The following FRMD3 variants were observed in gnomAD, a reference collection of about 807,000 sequenced individuals.
The protein encoded by FRMD3 is FERM domain containing 3.
FRMD3 carries 33 observed loss-of-function variants against 70.2 expected under a neutral mutation model. The ratio of observed to expected loss-of-function variants is 0.47; its 90% CI spans 0.36 to 0.63. The LOEUF (loss-of-function observed/expected upper bound fraction) is 0.63, where lower values mean the gene tolerates loss of function less well. FRMD3 is among the 20% of genes least tolerant of loss of function. The pLI is 0.00. For synonymous variants in FRMD3, 279 were observed against 255.9 expected, an observed-to-expected ratio of 1.09 and a Z score of -0.86; for missense variants, 632 against 711.4, an observed-to-expected ratio of 0.89 and a Z score of 1.27.
chr9:83,292,476 A>G (rs77231401), intron 12 of FRMD3, among the ~76,000 whole-genome samples: 2,724 of 151,684 alleles, frequency 0.018, 41 homozygotes, highest in Non-Finnish European at 0.027. Flanking sequence ...AACACATTTT[A>G]TATAATCTCC....
chr9:83,309,375 A>C (rs1587707672), intron 10 of FRMD3, among the ~76,000 whole-genome samples, 161 bp downstream of exon 10: 1 of 152,144 alleles, frequency 6.6e-6, no homozygotes. Context: ...ACAAGCCAAC[A>C]ATCACCGGGA....
At chr9:83,307,805 T>C (rs1409634004) in intron 10 of FRMD3, among the ~76,000 whole-genome samples, 3 of 152,192 alleles carry the variant, frequency 2.0e-5, no homozygotes, top group Non-Finnish European at 2.9e-5. Context: ...TTTTACGGCA[T>C]GTAAATTAGA....
chr9:83,570,853 G>A, the FRMD3 span, among the ~76,000 whole-genome samples: 2 of 152,200 alleles, frequency 1.3e-5, no homozygotes, highest in Admixed American at 6.5e-5. Context: ...TGGTGGTTTG[G>A]ACCTGGGTAG....
chr9:83,394,520 A>C (rs1392313768), intron 1 of FRMD3, among the ~76,000 whole-genome samples: 1 of 152,164 alleles, frequency 6.6e-6, no homozygotes, highest in African/African-American at 2.4e-5. Context: ...ATGTTTGTAA[A>C]TATCTTGTTG....
At chr9:83,358,920 C>T (rs907461558) in intron 3 of FRMD3, among the ~76,000 whole-genome samples, 1 of 152,128 alleles carries the variant, frequency 6.6e-6, no homozygotes, top group African/African-American at 2.4e-5. Context: ...ACATTGCTCA[C>T]TCATTCTCCA....
intron 1 of FRMD3, among the ~76,000 whole-genome samples, chr9:83,531,883 C>T (rs1428950784): frequency 1.3e-5 from 2 of 152,184 alleles, no homozygotes; most frequent in African/African-American, 4.8e-5. Context: ...AATTATTACT[C>T]TCATTTTTCA....
chr9:83,362,571 G>C (rs1005111208), intron 3 of FRMD3, among the ~76,000 whole-genome samples: 6 of 152,324 alleles, frequency 3.9e-5, no homozygotes, highest in South Asian at 2.1e-4. Context: ...ACAGTCTCTG[G>C]TAAATAGGGC....
chr9:83,507,764 A>T (rs1464655810), intron 1 of FRMD3, among the ~76,000 whole-genome samples: 2 of 131,746 alleles, frequency 1.5e-5, no homozygotes, highest in African/African-American at 2.8e-5. Context: ...CCTGAAGGAC[A>T]TCCCAGGGGC....
At chr9:83,273,189 A>T (rs1463125077) in intron 13 of FRMD3, among the ~76,000 whole-genome samples, 1 of 152,256 alleles carries the variant, frequency 6.6e-6, no homozygotes, top group Non-Finnish European at 1.5e-5. Context: ...GTCGAATAGA[A>T]AAGGGGGAAA....
At chr9:83,300,022 A>G (rs1425239055) in intron 10 of FRMD3, among the ~76,000 whole-genome samples, 2 of 152,268 alleles carry the variant, frequency 1.3e-5, no homozygotes, top group Non-Finnish European at 2.9e-5. Context: ...CAGAGAGTTC[A>G]GCATCGTTTA....
At chr9:83,387,937 G>A (rs562187125) in intron 2 of FRMD3, among the ~76,000 whole-genome samples, 1 of 152,108 alleles carries the variant, frequency 6.6e-6, no homozygotes, top group Non-Finnish European at 1.5e-5. Flanking sequence ...TGATTTTCTT[G>A]CAGGGCCAGG....
chr9:83,274,302 C>T (rs1348557879), intron 13 of FRMD3, among the ~76,000 whole-genome samples: 4 of 152,144 alleles, frequency 2.6e-5, no homozygotes, highest in Admixed American at 6.5e-5. Flanking sequence ...AGATTGAGTC[C>T]TCTCCCTTCA....
At chr9:83,515,055 T>C (rs918826678) in intron 1 of FRMD3, among the ~76,000 whole-genome samples, 4 of 152,144 alleles carry the variant, frequency 2.6e-5, no homozygotes, top group Non-Finnish European at 4.4e-5. Flanking sequence ...GAATATCTCT[T>C]CTCTTCAAAA....
intron 13 of FRMD3, among the ~76,000 whole-genome samples, chr9:83,286,589 C>T (rs1394794337): frequency 1.3e-5 from 2 of 152,238 alleles, no homozygotes; most frequent in Non-Finnish European, 2.9e-5. Flanking sequence ...GCCTCAGCCT[C>T]TGAAAGTGCT....
At chr9:83,542,171 GATTA>G (rs1261372933), upstream of FRMD3, among the ~76,000 whole-genome samples, 1 of 152,126 alleles carries the variant, frequency 6.6e-6, no homozygotes, top group African/African-American at 2.4e-5. Flanking sequence ...CAATGGGTGA[GATTA>G]ATTAGTGTCT....
rs1215365758 is a variant in FRMD3, at chr9:83,311,965, C to T, written c.695G>A (p.Gly232Asp). The T allele has an allele frequency of 8.2e-6, 13 of 1,576,768 alleles. No homozygotes were observed. The highest frequency in any genetic ancestry group is 1.1e-5 in the Non-Finnish European group (13 of 1,167,876). ...VDPHPCKDST[G>D]TTTFLGFTAA... ...TGTGAATCCTAAAAATGTTGTTGTG[C>T]CTGTTGAATCCTGAAAAAAAAAAAA... Residue 232 changes from glycine to aspartate, a missense_variant, in exon 8 of 14, where the codon GGC becomes GAC. Gly to Asp is a moderately conservative substitution (Grantham distance 94). This residue lies in a region of FRMD3 where 418 missense variants were observed against 442.1 expected (regional missense o/e 0.95). Transcript: ENST00000304195.
At chr9:83,421,799 T>C (rs960630969) in intron 1 of FRMD3, among the ~76,000 whole-genome samples, 17 of 152,344 alleles carry the variant, frequency 1.1e-4, no homozygotes, top group Non-Finnish European at 1.5e-4. Context: ...TCTGTAGGCC[T>C]TATCTTAAAT....
rs181730638 is a variant in FRMD3 at position 83,346,911 on chromosome 9, G to T, written c.374+2768C>A. On this transcript the variant is annotated intron_variant, in intron 4 of 13. Transcript: ENST00000304195. Reference sequence around the variant, plus strand: ...TTGAGGACAGGCCCAAGACTATTCAGAATAGCAAGGTCACACAAATGCTTT... The same window carrying T: ...TTGAGGACAGGCCCAAGACTATTCATAATAGCAAGGTCACACAAATGCTTT... 1.6e-4 allele frequency among the ~76,000 whole-genome samples: 25 copies of T among 152,260 alleles called. No homozygotes were observed. The East Asian group carries it at 4.2e-3, about 26-fold the overall frequency.
the FRMD3 span, among the ~76,000 whole-genome samples, chr9:83,564,721 A>C: frequency 6.6e-6 from 1 of 152,228 alleles, no homozygotes; most frequent in Non-Finnish European, 1.5e-5. Flanking sequence ...CTAGCCCTTC[A>C]GTCATAAGAT....
Sources: gnomAD v4.1 joint callset for allele counts (sites outside exome capture counted in the v4.1 genomes callset) on GRCh38, gnomAD v4.1.1 for gene constraint, gnomAD v4.1.1 regional missense constraint, MANE v1.5 for transcripts, NCBI Gene and HGNC (gene_info 2026-07-23, HGNC 2026-07-21) for gene names.